JAZF1: variants seen among roughly 807,000 people sequenced by gnomAD.
JAZF1 encodes JAZF zinc finger 1.
In JAZF1, 8 loss-of-function variants were observed where a neutral mutation model predicts 26.4. The ratio of observed to expected loss-of-function variants is 0.30; its 90% CI spans 0.18 to 0.55. The LOEUF is 0.55. JAZF1 is among the 20% of genes least tolerant of loss of function. JAZF1 has a pLI of 0.94. For missense variants in JAZF1, 199 were observed against 322.0 expected (o/e 0.62, Z 2.92); for synonymous variants, 126 against 122.3 (o/e 1.03, Z -0.20).
intron 2 of JAZF1, among the ~76,000 whole-genome samples, chr7:27,922,626 T>C (rs1784551310): frequency 6.6e-6 from 1 of 152,128 alleles, no homozygotes; most frequent in South Asian, 2.1e-4. Context: ...GGAAAATTTT[T>C]CCTAATATTT....
intron 3 of JAZF1, among the ~76,000 whole-genome samples, chr7:27,885,148 A>G (rs1783836024): frequency 6.6e-6 from 1 of 152,176 alleles, no homozygotes; most frequent in Non-Finnish European, 1.5e-5. Flanking sequence ...AATTCTACAC[A>G]CCTTAAAGGG....
At chr7:28,087,363 T>C (rs571110883) in intron 1 of JAZF1, among the ~76,000 whole-genome samples, 96 of 151,840 alleles carry the variant, frequency 6.3e-4, no homozygotes, top group Non-Finnish European at 1.1e-3. Context: ...GAGGGCAAAA[T>C]AGACGTGACT....
At chr7:28,013,480 C>T (rs1258069441) in intron 1 of JAZF1, among the ~76,000 whole-genome samples, 2 of 152,098 alleles carry the variant, frequency 1.3e-5, no homozygotes, top group Admixed American at 1.3e-4. Context: ...GGGGGTAGGG[C>T]AGGCATCCCC....
intron 3 of JAZF1, chr7:27,841,866 A>C (rs1180654070): frequency 6.6e-6 from 1 of 152,194 alleles, no homozygotes; most frequent in African/African-American, 2.4e-5. Context: ...GACAAGTCCT[A>C]ATGCATTTAC....
At chr7:28,112,505 G>C (rs1374740603) in intron 1 of JAZF1, among the ~76,000 whole-genome samples, 1 of 152,150 alleles carries the variant, frequency 6.6e-6, no homozygotes, top group African/African-American at 2.4e-5. Context: ...AAAGTTTATT[G>C]CCAAAAGCAT....
intron 1 of JAZF1, among the ~76,000 whole-genome samples, chr7:28,054,889 A>G (rs921221864): frequency 6.6e-6 from 1 of 151,892 alleles, no homozygotes; most frequent in South Asian, 2.1e-4. Flanking sequence ...TACCCACACC[A>G]TCCCTCCCTA....
At chr7:27,943,957 C>T (rs1784888440) in intron 2 of JAZF1, among the ~76,000 whole-genome samples, 1 of 152,148 alleles carries the variant, frequency 6.6e-6, no homozygotes, top group Non-Finnish European at 1.5e-5. Flanking sequence ...TTCTTTGATT[C>T]CTATGACACA....
intron 2 of JAZF1, among the ~76,000 whole-genome samples, chr7:27,983,289 C>G (rs1403972587): frequency 6.6e-6 from 1 of 152,116 alleles, no homozygotes; most frequent in African/African-American, 2.4e-5. Flanking sequence ...GGCACGAGAA[C>G]TACGTGATGA....
At chr7:28,107,981 T>C (rs1221478058) in intron 1 of JAZF1, among the ~76,000 whole-genome samples, 1 of 152,100 alleles carries the variant, frequency 6.6e-6, no homozygotes, top group Non-Finnish European at 1.5e-5. Context: ...AGGCATTTGC[T>C]CCATCACGGC....
chr7:27,967,086 C>G (rs1785288960), intron 2 of JAZF1, among the ~76,000 whole-genome samples: 1 of 152,190 alleles, frequency 6.6e-6, no homozygotes, highest in East Asian at 1.9e-4. Context: ...CATTTTTATG[C>G]TTTTATTATA....
intron 1 of JAZF1, among the ~76,000 whole-genome samples, chr7:28,164,220 C>T (rs1783331815): frequency 6.6e-6 from 1 of 152,228 alleles, no homozygotes; most frequent in African/African-American, 2.4e-5. Context: ...AGCCAAACCA[C>T]AGTGCCCCTG....
chr7:28,177,977 C>A (rs911991734), intron 1 of JAZF1, among the ~76,000 whole-genome samples: 1 of 152,210 alleles, frequency 6.6e-6, no homozygotes, highest in Non-Finnish European at 1.5e-5. Flanking sequence ...GTTTGAGCCT[C>A]TTCATCCTGG....
At chr7:27,963,569 C>CCCCCT (rs1554278421) in intron 2 of JAZF1, among the ~76,000 whole-genome samples, 23 of 132,534 alleles carry the variant, frequency 1.7e-4, no homozygotes, top group African/African-American at 2.6e-4. Flanking sequence ...CCCCCCCCCC[C>CCCCCT]TTTTTTTTTG....
intron 2 of JAZF1, chr7:27,913,500 A>G: frequency 2.9e-6 from 1 of 346,224 alleles, no homozygotes; most frequent in South Asian, 2.2e-5. Flanking sequence ...ACGTGAACAG[A>G]GCTTGGTGGG....
intron 1 of JAZF1, among the ~76,000 whole-genome samples, chr7:28,034,528 C>G (rs957842608): frequency 9.4e-5 from 14 of 148,986 alleles, no homozygotes; most frequent in Non-Finnish European, 1.6e-4. Flanking sequence ...TATAATGGAG[C>G]ATTTAATATT....
intron 2 of JAZF1, among the ~76,000 whole-genome samples, chr7:27,979,366 ATTTTTTTTTTTTTTTTTTTTTTTTT>A (rs55737757): frequency 1.2e-3 from 68 of 58,394 alleles, no homozygotes; most frequent in Non-Finnish European, 1.7e-3. Context: ...GGTACACTAC[ATTTTTTTTTTTTTTTTTTTTTTTTT>A]TTTTTTTTTT....
intron 1 of JAZF1, among the ~76,000 whole-genome samples, chr7:28,169,952 G>A (rs1160133543): frequency 2.0e-5 from 3 of 152,142 alleles, no homozygotes; most frequent in Admixed American, 6.5e-5. Flanking sequence ...GCGATTTAAG[G>A]TCTGGTGCTG....
chr7:27,833,227 TTTC>T (rs1204210770), intron 4 of JAZF1: 3 of 255,072 alleles, frequency 1.2e-5, no homozygotes, highest in African/African-American at 4.4e-5. Context: ...AAAGTACTGA[TTTC>T]TTCCAATTTT....
intron 1 of JAZF1, among the ~76,000 whole-genome samples, chr7:28,166,549 CTT>C (rs756718205): frequency 6.6e-5 from 10 of 152,170 alleles, no homozygotes; most frequent in South Asian, 2.1e-4. Flanking sequence ...AAAATCATCT[CTT>C]GTTTTTTCCA....
Sources: gnomAD v4.1 joint callset for allele counts (sites outside exome capture counted in the v4.1 genomes callset) on GRCh38, gnomAD v4.1.1 for gene constraint, MANE v1.5 for transcripts, NCBI Gene and HGNC (gene_info 2026-07-23, HGNC 2026-07-21) for gene names.